Variants in IL26 observed in about 807,000 individuals in gnomAD.
The protein encoded by IL26 is interleukin-26.
IL26 carries 23 observed loss-of-function variants against 21.7 expected under a neutral mutation model. That is an observed-to-expected ratio of 1.06 (90% CI 0.76 to 1.50). The LOEUF (loss-of-function observed/expected upper bound fraction) is 1.50. Among genes scored for constraint, IL26 ranks in the 40% most tolerant of loss-of-function variants. The probability of loss-of-function intolerance (pLI) is 0.00; values close to 1 mark genes in which losing one functional copy is unlikely to be tolerated. For missense variants in IL26, 204 were observed against 196.0 expected (o/e 1.04, Z -0.24); for synonymous variants, 63 against 67.8 (o/e 0.93, Z 0.34).
intron 3 of IL26, among the ~76,000 whole-genome samples, chr12:68,222,093 G>T (rs11570993): frequency 0.086 from 13,111 of 152,046 alleles, 1,043 homozygotes; most frequent in African/African-American, 0.21. Flanking sequence ...AATAACTCTG[G>T]TATCCATTAA....
In IL26 at chr12:68,218,846, G is replaced by T. The variant is rs1378415167; in HGVS notation, c.363+6303C>A. Reference sequence around the variant, plus strand: ...GGCACGAATATGTTATGAGTAAAAGGATGGAAAAAGACATAGCACACTAAC... The same window carrying T: ...GGCACGAATATGTTATGAGTAAAAGTATGGAAAAAGACATAGCACACTAAC... On this transcript the variant is annotated intron_variant, in intron 3 of 4. Coordinates refer to ENST00000229134, the MANE Select transcript of IL26 (RefSeq NM_018402.2). 2.0e-5 allele frequency among the ~76,000 whole-genome samples: 3 copies of T among 151,928 alleles called. No homozygotes were observed. In the East Asian group the frequency reaches 5.8e-4, roughly 29 times the overall value.
intron 3 of IL26, among the ~76,000 whole-genome samples, chr12:68,212,468 A>G (rs11571029): frequency 0.01 from 1,543 of 152,188 alleles, 37 homozygotes; most frequent in African/African-American, 0.036. Flanking sequence ...TAATCTGTAG[A>G]TAGCTTTGGG....
At chr12:68,223,993 T>G (rs1869144817) in intron 3 of IL26, among the ~76,000 whole-genome samples, 1 of 150,640 alleles carries the variant, frequency 6.6e-6, no homozygotes, top group Admixed American at 6.6e-5. Flanking sequence ...ACGGAGCACT[T>G]TAGTTGACCA....
chr12:68,213,784 C>T (rs898239857), intron 3 of IL26, among the ~76,000 whole-genome samples: 3 of 151,614 alleles, frequency 2.0e-5, no homozygotes, highest in Admixed American at 6.6e-5. Context: ...GCTAAATGTC[C>T]ACTGTTTATC....
intron 3 of IL26, among the ~76,000 whole-genome samples, chr12:68,224,326 T>C (rs566312381): frequency 6.6e-6 from 1 of 152,226 alleles, no homozygotes; most frequent in Admixed American, 6.5e-5. Flanking sequence ...TTTTGTTTTG[T>C]TTTGTTTTCT....
Position 68,202,175 on chromosome 12 carries a change from T to C in IL26, c.364-92A>G, listed in dbSNP as rs1868408585. The C allele has an allele frequency of 8.6e-6, 7 of 812,462 alleles. No homozygotes were observed. In the East Asian group the frequency reaches 1.9e-4, roughly 22 times the overall value. 50.3% of individuals were successfully genotyped at this position (812,462 alleles called of 1,614,324 possible). On this transcript the variant is annotated intron_variant, in intron 3 of 4. Transcript: ENST00000229134. ...TCAACAAATATTTATAGAGCAGGTA[T>C]TATGTGCTGAGCACTAGATATGCAC...
rs1310112810 is a variant in IL26, at chr12:68,201,634, T to A, written c.*211A>T. ...ACAAAACATGTTCAGAATGGAAACA[T>A]TATTTGAAAACACAGAAAATGTGCA... On this transcript the variant is annotated 3_prime_UTR_variant, in exon 5 of 5. Transcript: ENST00000229134. The A allele has an allele frequency of 2.4e-6, 1 of 415,622 alleles. No individual in the cohort carries two copies. Among genetic ancestry groups the A allele is most frequent in the African/African-American group, 2.1e-5 (1 of 48,588 alleles). The allele number at this position is 415,622 out of a possible 1,614,324, so 25.7% of individuals were successfully genotyped here.
intron 3 of IL26, among the ~76,000 whole-genome samples, chr12:68,210,757 C>T (rs1203395935): frequency 2.6e-5 from 4 of 151,880 alleles, no homozygotes; most frequent in Admixed American, 6.6e-5. Flanking sequence ...TCTTCATGTT[C>T]CAACCATAGA....
In IL26 at chr12:68,220,917, G is replaced by A. The variant is rs11570996; in HGVS notation, c.363+4232C>T. Among the ~76,000 whole-genome samples, 732 of 152,334 alleles carry A rather than the reference G, an allele frequency of 4.8e-3. 6 individuals are homozygous for A. The highest frequency in any genetic ancestry group is 0.039 in the South Asian group (188 of 4,824). On this transcript the variant is annotated intron_variant, in intron 3 of 4. Transcript: ENST00000229134. ...CTCCCAAAGTGCTGGGATTGTAGGC[G>A]TAAGCTACCGTACCTGGCCAAATTC...
chr12:68,217,567 A>C (rs1348237082), intron 3 of IL26, among the ~76,000 whole-genome samples: 2 of 152,190 alleles, frequency 1.3e-5, no homozygotes, highest in Admixed American at 1.3e-4. Flanking sequence ...TTATTGAATT[A>C]TCCCAGCTTA....
intron 3 of IL26, among the ~76,000 whole-genome samples, chr12:68,214,456 A>G (rs996775105): frequency 6.6e-5 from 10 of 152,100 alleles, no homozygotes; most frequent in African/African-American, 2.4e-4. Flanking sequence ...CTATTATTGT[A>G]TTGCAGTCTA....
intron 3 of IL26, among the ~76,000 whole-genome samples, chr12:68,215,752 C>T (rs1271270680): frequency 6.6e-6 from 1 of 152,148 alleles, no homozygotes; most frequent in Non-Finnish European, 1.5e-5. Context: ...ATTGCAATCT[C>T]AGCCTCCTGG....
chr12:68,211,146 C>T (rs1182587653), intron 3 of IL26, among the ~76,000 whole-genome samples: 1 of 152,214 alleles, frequency 6.6e-6, no homozygotes, highest in African/African-American at 2.4e-5. Context: ...TCATGAGATC[C>T]ACTTTATTAG....
At chr12:68,212,711 CT>C (rs1191308797) in intron 3 of IL26, among the ~76,000 whole-genome samples, 2 of 151,942 alleles carry the variant, frequency 1.3e-5, no homozygotes, top group Non-Finnish European at 2.9e-5. Flanking sequence ...ATATTGTTCA[CT>C]GTTTGCATGC....
At chr12:68,204,410 T>C (rs540616135) in intron 3 of IL26, among the ~76,000 whole-genome samples, 1 of 152,128 alleles carries the variant, frequency 6.6e-6, no homozygotes, top group Non-Finnish European at 1.5e-5. Context: ...CCCAAAGTGC[T>C]GGGATTACAG....
chr12:68,204,297 C>G (rs376951311), intron 3 of IL26, among the ~76,000 whole-genome samples: 1 of 152,002 alleles, frequency 6.6e-6, no homozygotes, highest in East Asian at 1.9e-4. Context: ...GCGCCCTCCA[C>G]CACGCCCGGC....
intron 3 of IL26, among the ~76,000 whole-genome samples, chr12:68,208,225 GA>G (rs917509336): frequency 1.3e-5 from 2 of 152,066 alleles, no homozygotes; most frequent in African/African-American, 2.4e-5. Flanking sequence ...TCTTCCAGAA[GA>G]AAAAAAGTGA....
chr12:68,221,828 G>A (rs1869054559), intron 3 of IL26, among the ~76,000 whole-genome samples: 1 of 152,112 alleles, frequency 6.6e-6, no homozygotes, highest in Non-Finnish European at 1.5e-5. Flanking sequence ...TAGTACATAA[G>A]TATTCCATCA....
intron 3 of IL26, among the ~76,000 whole-genome samples, chr12:68,224,136 G>T (rs1170138358): frequency 6.6e-6 from 1 of 151,446 alleles, no homozygotes; most frequent in African/African-American, 2.4e-5. Flanking sequence ...ATTGCAATAA[G>T]GCTCCCAACC....
Sources: allele counts gnomAD v4.1 joint callset (sites outside exome capture counted in the v4.1 genomes callset), GRCh38; gene constraint gnomAD v4.1.1; transcripts MANE v1.5; gene names NCBI Gene and HGNC (gene_info 2026-07-23, HGNC 2026-07-21).